KIF21A: variants seen among roughly 807,000 people sequenced by gnomAD.
KIF21A encodes kinesin-like protein KIF21A.
A neutral mutation model predicts 202.9 loss-of-function variants in KIF21A; 114 were observed. The observed-to-expected ratio is 0.56, with a 90% CI of 0.48 to 0.66. The LOEUF (loss-of-function observed/expected upper bound fraction) is 0.66. Ranked by LOEUF, KIF21A falls within the 30% of genes least tolerant of loss-of-function variation. The probability of loss-of-function intolerance (pLI) is 0.00; values close to 1 mark genes in which losing one functional copy is unlikely to be tolerated. For synonymous variants in KIF21A, 667 were observed against 670.8 expected, an observed-to-expected ratio of 0.99 and a Z score of 0.09; for missense variants, 1,677 against 1,994.9, an observed-to-expected ratio of 0.84 and a Z score of 3.04.
Position 39,440,917 on chromosome 12 carries a change from A to T in KIF21A, c.44+2010T>A, listed in dbSNP as rs142766496. On this transcript the variant is annotated intron_variant, in intron 1 of 37. Coordinates refer to ENST00000361418, the MANE Select transcript of KIF21A (RefSeq NM_001173464.2). ...GTGATCTCAGCTACTCAGCAGGCTG[A>T]GATTAGAGGATTGCTTGAGCCCATG... Among the ~76,000 whole-genome samples the T allele has an allele frequency of 7.9e-3, 1,207 of 152,148 alleles. 9 individuals carry two copies. The highest frequency in any genetic ancestry group is 0.012 in the Non-Finnish European group (808 of 68,002).
intron 24 of KIF21A, among the ~76,000 whole-genome samples, chr12:39,327,369 T>C (rs749322468): frequency 1.3e-5 from 2 of 152,010 alleles, no homozygotes; most frequent in Non-Finnish European, 2.9e-5. Context: ...GTGAAAAAAA[T>C]GGTGATTTTG....
Position 39,318,034 on chromosome 12 carries a change from T to C in KIF21A, c.3908+39A>G, listed in dbSNP as rs754302792. On this transcript the variant is annotated intron_variant, in intron 29 of 37. Transcript: ENST00000361418. ...AGACTGTATTGACAGGTTCAGAATATTATATAAATAATTGGGGCTCTTTTC... is the reference window on the plus strand; with the variant it reads ...AGACTGTATTGACAGGTTCAGAATACTATATAAATAATTGGGGCTCTTTTC... 2.5e-6 allele frequency: 4 copies of C among 1,593,422 alleles called. No individual in the cohort carries two copies. The South Asian group carries it at 4.4e-5, about 18-fold the overall frequency.
At chr12:39,320,063 C>CAACTTT in intron 27 of KIF21A, 50 bp from the exon 28 acceptor site, 1 of 1,065,668 alleles carries the variant, frequency 9.4e-7, no homozygotes, top group Non-Finnish European at 1.4e-6. Flanking sequence ...TTTGCACATA[C>CAACTTT]AACTTTGGTA....
chr12:39,360,906 T>C (rs569261478), intron 7 of KIF21A, among the ~76,000 whole-genome samples: 1 of 152,364 alleles, frequency 6.6e-6, no homozygotes, highest in Non-Finnish European at 1.5e-5. Context: ...TGTATAAACT[T>C]CAAAAAGTGA....
At position 39,309,591 on chromosome 12, in the gene KIF21A, T is replaced by C. The variant is rs1416494976; in HGVS notation, c.4272A>G (p.Thr1424=). 6.2e-7 allele frequency: 1 copy of C among 1,609,276 alleles called. No homozygotes were observed. The highest frequency in any genetic ancestry group is 8.5e-7 in the Non-Finnish European group (1 of 1,177,918). ...DIRDSAKCIR[T]LTSSGQVTLG... The stretch of plus-strand genomic sequence containing the variant: ...TATGTCTTCAAGTTACTTACGTTAG[T>C]GTTCGAATGCACTTTGCTGAATCTC... The change falls in exon 33 of 38, where the codon ACA becomes ACG. Residue 1424 remains threonine (T), a synonymous_variant. Transcript: ENST00000361418.
chr12:39,311,127 T>C (rs956573849), intron 32 of KIF21A, among the ~76,000 whole-genome samples: 4 of 152,022 alleles, frequency 2.6e-5, no homozygotes, highest in Non-Finnish European at 4.4e-5. Context: ...TAGCCTTTTA[T>C]AGATTTTTAT....
chr12:39,349,519 T>C (rs895341049), intron 11 of KIF21A, among the ~76,000 whole-genome samples: 2 of 152,056 alleles, frequency 1.3e-5, no homozygotes, highest in African/African-American at 2.4e-5. Context: ...TGTGGAAAAC[T>C]GAGCACTTTA....
At chr12:39,299,870 T>C (rs1340970374) in intron 37 of KIF21A, among the ~76,000 whole-genome samples, 1 of 152,052 alleles carries the variant, frequency 6.6e-6, no homozygotes, top group African/African-American at 2.4e-5. Context: ...AAATATCACA[T>C]GTTCTCACTT....
In KIF21A at chr12:39,294,208, T is replaced by C. The variant is rs1942079064; in HGVS notation, c.*216A>G. 1 of 484,792 alleles carries C rather than the reference T, an allele frequency of 2.1e-6. No individual in the cohort carries two copies. The highest frequency in any genetic ancestry group is 3.7e-5 in the East Asian group (1 of 26,704). The allele number at this position is 484,792 out of a possible 1,614,324, so 30.0% of individuals were successfully genotyped here. A position where few individuals can be genotyped will look rare whatever the true frequency, so the allele number is the denominator to read the frequency against. The stretch of plus-strand genomic sequence containing the variant: ...AGTGTGAATAAAGCAATATATCAAT[T>C]GTAGGATATATATCTATTGGTTGAT... On this transcript the variant is annotated 3_prime_UTR_variant, in exon 38 of 38. Coordinates refer to ENST00000361418, the MANE Select transcript of KIF21A (RefSeq NM_001173464.2).
chr12:39,332,686 T>C lies in KIF21A; in HGVS notation c.2761A>G (p.Met921Val). Residue 921 changes from methionine (M) to valine (V), a missense_variant, in exon 20 of 38, where the codon ATG becomes GTG. Met to Val is a conservative substitution (Grantham distance 21, BLOSUM62 1). Coordinates refer to ENST00000361418, the MANE Select transcript of KIF21A (RefSeq NM_001173464.2). Reference sequence around the variant, plus strand: ...CTGCGCTCAAGGAGCTGCCACTTCATGCGAGCTGTCTTGGAAATAAACACT... The same window carrying C: ...CTGCGCTCAAGGAGCTGCCACTTCACGCGAGCTGTCTTGGAAATAAACACT... ...GRVFISKTAR[M>V]KWQLLERRVT... The C allele has an allele frequency of 1.9e-6, 3 of 1,614,128 alleles. No individual in the cohort carries two copies. Among genetic ancestry groups the C allele is most frequent in the Non-Finnish European group, 2.5e-6 (3 of 1,179,994 alleles).
chr12:39,317,635 G>A (rs1057035365), intron 29 of KIF21A, among the ~76,000 whole-genome samples: 2 of 152,088 alleles, frequency 1.3e-5, no homozygotes, highest in Non-Finnish European at 2.9e-5. Context: ...TGACAAAAAC[G>A]TGTTGCACTT....
chr12:39,295,990 G>A (rs1942304276), intron 37 of KIF21A, among the ~76,000 whole-genome samples: 1 of 135,400 alleles, frequency 7.4e-6, no homozygotes. Context: ...GAGCCACTGC[G>A]TCCACCCTGG....
At chr12:39,393,700 A>C (rs191702946) in intron 1 of KIF21A, among the ~76,000 whole-genome samples, 41 of 152,350 alleles carry the variant, frequency 2.7e-4, no homozygotes, top group Non-Finnish European at 5.3e-4. Flanking sequence ...AAAAGTATTA[A>C]GAGAAAAAGA....
Position 39,294,527 on chromosome 12 carries a change from A to T in KIF21A, c.4932-10T>A. 1 of 1,603,068 alleles carries T rather than the reference A, an allele frequency of 6.2e-7. No homozygotes were observed. The highest frequency in any genetic ancestry group is 1.7e-5 in the Admixed American group (1 of 60,010). On this transcript the variant is annotated splice_polypyrimidine_tract_variant and intron_variant, in intron 37 of 37. Transcript: ENST00000361418. ...TCTCACAGTTCGATCACTACAAAAA[A>T]ATAAACAAAACATGGATATATGAAC...
Position 39,369,799 on chromosome 12 carries a change from T to A in KIF21A, c.380A>T (p.Glu127Val), listed in dbSNP as rs774980465. The A allele has an allele frequency of 1.2e-5, 19 of 1,612,672 alleles. No homozygotes were observed. The South Asian group carries it at 2.0e-4, about 17-fold the overall frequency. ...AVKHLFKSIEEKKHIAIKNGL... is the reference protein window; with the variant it reads ...AVKHLFKSIEVKKHIAIKNGL... ...ATTTTTAATTGCTATGTGTTTTTTT[T>A]CTTCAATACTCTTAAAAAGGTGTTT... The change falls in exon 3 of 38, where the codon GAA (glutamate) becomes GTA (valine). Residue 127 changes from glutamate to valine, a missense_variant. Physicochemically the swap from Glu to Val is moderately radical, Grantham distance 121. Around this residue, in one of 3 missense-constraint regions of KIF21A, gnomAD observed 966 missense variants for 1,180.9 expected, o/e 0.82. Transcript: ENST00000361418.
intron 1 of KIF21A, among the ~76,000 whole-genome samples, chr12:39,441,660 T>TAAAATAAAAAAAAAAAAAAAAAAA (rs1939604159): frequency 2.6e-5 from 1 of 37,788 alleles, no homozygotes; most frequent in Admixed American, 3.2e-4. Context: ...CCCTGGGTGG[T>TAAAATAAAAAAAAAAAAAAAAAAA]AAAAAAAAAA....
intron 34 of KIF21A, among the ~76,000 whole-genome samples, chr12:39,306,352 A>G (rs546801439): frequency 6.6e-6 from 1 of 152,296 alleles, no homozygotes; most frequent in African/African-American, 2.4e-5. Flanking sequence ...TGCTCTTACT[A>G]TGAGTCAGAT....
intron 17 of KIF21A, among the ~76,000 whole-genome samples, chr12:39,333,493 T>C (rs1300863392): frequency 6.6e-6 from 1 of 152,084 alleles, no homozygotes; most frequent in Non-Finnish European, 1.5e-5. Flanking sequence ...TTTGAAAAAA[T>C]GAAAGGTTAT....
rs373209424 is a variant in KIF21A at position 39,312,452 on chromosome 12, A to G, written c.3960-899T>C. 3.9e-5 allele frequency: 6 copies of G among 152,056 alleles called. No homozygotes were observed. In the South Asian group the frequency reaches 6.2e-4, roughly 16 times the overall value. The allele number at this position is 152,056 out of a possible 1,614,324, so 9.4% of individuals were successfully genotyped here. The stretch of plus-strand genomic sequence containing the variant: ...TAGAAAGAATAAAGTAAGACCTACT[A>G]TTTGATAGCCCAACAGGGTGACTAT... On this transcript the variant is annotated intron_variant, in intron 31 of 37. Coordinates refer to ENST00000361418, the MANE Select transcript of KIF21A (RefSeq NM_001173464.2).
Sources: allele counts gnomAD v4.1 joint callset (sites outside exome capture counted in the v4.1 genomes callset), GRCh38; gene constraint gnomAD v4.1.1; regional missense constraint gnomAD v4.1.1; transcripts MANE v1.5; gene names NCBI Gene and HGNC (gene_info 2026-07-23, HGNC 2026-07-21).